Variants in EPN2 observed in about 807,000 individuals in gnomAD.
The protein encoded by EPN2 is epsin-2.
Under a neutral mutation model 61.7 loss-of-function variants are expected in EPN2, and 34 were observed. The observed-to-expected ratio is 0.55, with a 90% CI of 0.42 to 0.73. EPN2 has a LOEUF of 0.73. Among genes scored for constraint, EPN2 ranks in the 30% least tolerant of loss-of-function variants. The pLI, the probability that EPN2 is intolerant of heterozygous loss-of-function variation, is 0.00. For synonymous variants in EPN2, 349 were observed against 353.6 expected (o/e 0.99, Z 0.15); for missense variants, 714 against 839.2 (o/e 0.85, Z 1.84).
At chr17:19,326,356 C>G (rs146343695) in intron 7 of EPN2, among the ~76,000 whole-genome samples, 1 of 152,256 alleles carries the variant, frequency 6.6e-6, no homozygotes, top group Non-Finnish European at 1.5e-5. Context: ...TATCAGATAT[C>G]AAGAATTCTC....
At chr17:19,239,033 A>T (rs1480559050) in intron 1 of EPN2, among the ~76,000 whole-genome samples, 1 of 152,238 alleles carries the variant, frequency 6.6e-6, no homozygotes, top group East Asian at 1.9e-4. Flanking sequence ...TTAAGTTTTC[A>T]TCTGTATTTA....
chr17:19,244,818 A>ACTGCTGGG (rs2044927091), intron 1 of EPN2, among the ~76,000 whole-genome samples: 1 of 152,156 alleles, frequency 6.6e-6, no homozygotes, highest in Non-Finnish European at 1.5e-5. Flanking sequence ...CATTTTAAAA[A>ACTGCTGGG]ACTAAGAGGG....
intron 7 of EPN2, among the ~76,000 whole-genome samples, chr17:19,317,211 C>G (rs1906423419): frequency 1.3e-5 from 2 of 152,208 alleles, no homozygotes; most frequent in Admixed American, 1.3e-4. Context: ...GCACTAGGAG[C>G]AACTTGGCCA....
intron 3 of EPN2, among the ~76,000 whole-genome samples, chr17:19,284,959 G>C (rs1428976356): frequency 3.9e-5 from 6 of 152,222 alleles, no homozygotes; most frequent in Non-Finnish European, 7.3e-5. Context: ...TAAACCACTT[G>C]AAAACAATTT....
chr17:19,310,081 A>G (rs893783781), intron 5 of EPN2, 84 bp downstream of exon 5: 2 of 932,048 alleles, frequency 2.1e-6, no homozygotes, highest in East Asian at 2.5e-5. Flanking sequence ...GATGGCAGAC[A>G]CAGCCCTGTC....
chr17:19,281,449 TA>T (rs1481875971), intron 1 of EPN2, among the ~76,000 whole-genome samples: 2 of 152,248 alleles, frequency 1.3e-5, no homozygotes, highest in African/African-American at 4.8e-5. Flanking sequence ...TTGTGATGAG[TA>T]GTCATTGCAT....
At chr17:19,248,102 G>A (rs1287328814) in intron 1 of EPN2, among the ~76,000 whole-genome samples, 1 of 152,184 alleles carries the variant, frequency 6.6e-6, no homozygotes, top group African/African-American at 2.4e-5. Context: ...TCAGGGATTG[G>A]AAGGGGAAAA....
intron 7 of EPN2, among the ~76,000 whole-genome samples, chr17:19,324,699 T>C (rs1031079373): frequency 2.6e-5 from 4 of 152,184 alleles, no homozygotes; most frequent in African/African-American, 9.7e-5. Flanking sequence ...TTTATAGCTC[T>C]AAATGTTCAC....
At position 19,331,948 on chromosome 17, in the gene EPN2, A is replaced by C. The variant is rs1907177477; in HGVS notation, c.1507A>C (p.Ser503Arg). ...CCTGACTGTCGCCTCAAGCAAGCCC[A>C]GCAGTGCCCGGAAAACACCTGAGTC... ...QPLTVASSKP[S>R]SARKTPESFL... Residue 503 changes from serine (S) to arginine (R), a missense_variant, in exon 10 of 11, where the codon AGC (serine) becomes CGC (arginine). This residue lies in a region of EPN2 where 410 missense variants were observed against 421.8 expected (regional missense o/e 0.97). Coordinates refer to ENST00000314728, the MANE Select transcript of EPN2 (RefSeq NM_014964.5). 6.2e-7 allele frequency: 1 copy of C among 1,614,180 alleles called. No homozygotes were observed. The highest frequency in any genetic ancestry group is 1.3e-5 in the African/African-American group (1 of 75,042).
At chr17:19,272,004 A>G (rs28591622) in intron 1 of EPN2, among the ~76,000 whole-genome samples, 66,749 of 152,196 alleles carry the variant, frequency 0.44, 21,491 homozygotes, top group East Asian at 0.99. Context: ...TCTAAATTAA[A>G]CACGAGATCA....
rs917626737 is a variant in EPN2 at position 19,335,505 on chromosome 17, G to A, written c.*1251G>A. The A allele has an allele frequency of 1.3e-5, 20 of 1,537,742 alleles. No individual in the cohort carries two copies. The highest frequency in any genetic ancestry group is 5.5e-5 in the African/African-American group (4 of 72,596). ...TGTGATCTCCTCTGTCTTAATCCAC[G>A]CTCAGGCTAAAGATGGGGATAATGT... On this transcript the variant is annotated 3_prime_UTR_variant, in exon 11 of 11. Coordinates refer to ENST00000314728, the MANE Select transcript of EPN2 (RefSeq NM_014964.5).
chr17:19,252,237 T>C (rs922426151), intron 1 of EPN2, among the ~76,000 whole-genome samples: 1 of 152,156 alleles, frequency 6.6e-6, no homozygotes, highest in Non-Finnish European at 1.5e-5. Flanking sequence ...GTGTGCCTTC[T>C]GTGAAGGGGC....
At chr17:19,332,127 C>G in intron 10 of EPN2, 59 bp downstream of exon 10, 1 of 1,351,832 alleles carries the variant, frequency 7.4e-7, no homozygotes, top group African/African-American at 1.4e-5. Context: ...GGGTGTGCAG[C>G]AGGCCTCTTG....
chr17:19,268,501 T>C (rs2045222771), intron 1 of EPN2, among the ~76,000 whole-genome samples: 1 of 152,126 alleles, frequency 6.6e-6, no homozygotes, highest in Non-Finnish European at 1.5e-5. Context: ...AGTGTTGGGA[T>C]TATAGGCGTG....
Position 19,334,766 on chromosome 17 carries a change from T to C in EPN2, c.*512T>C, listed in dbSNP as rs1011950576. ...GAGTTCAAAGTAAACACCACCACCG[T>C]GGACAACTCTTGAATTAAATCCACT... On this transcript the variant is annotated 3_prime_UTR_variant, in exon 11 of 11. Transcript: ENST00000314728. This position sits in a 1 kb window ranked among gnomAD's most constrained non-coding sequence, Gnocchi z 4.9. 2.0e-5 allele frequency: 3 copies of C among 153,256 alleles called. No individual in the cohort carries two copies. Among genetic ancestry groups the C allele is most frequent in the Admixed American group, 1.3e-4 (2 of 15,304 alleles). The allele number at this position is 153,256 out of a possible 1,614,324, so 9.5% of individuals were successfully genotyped here.
rs969704727 is a variant in EPN2, at chr17:19,334,210, T to A, written c.1882T>A (p.Ser628Thr). Reference protein sequence around the residue: ...NMVGSVGIPPSAAQATGTTNP... With the variant: ...NMVGSVGIPPTAAQATGTTNP... ...GGTGGGCAGTGTGGGTATACCCCCA[T>A]CAGCAGCCCAGGCCACTGGCACAAC... The change falls in exon 11 of 11, where the codon TCA (serine) becomes ACA (threonine). Residue 628 changes from serine to threonine, a missense_variant. This residue lies in a region of EPN2 where 410 missense variants were observed against 421.8 expected (regional missense o/e 0.97). Transcript: ENST00000314728. This position sits in a 1 kb window ranked among gnomAD's most constrained non-coding sequence, Gnocchi z 4.9. 3 of 1,527,738 alleles carry A rather than the reference T, an allele frequency of 2.0e-6. No individual in the cohort carries two copies. The highest frequency in any genetic ancestry group is 2.7e-6 in the Non-Finnish European group (3 of 1,128,098). The allele number at this position is 1,527,738 out of a possible 1,614,324, so 94.6% of individuals were successfully genotyped here.
At chr17:19,316,796 C>T (rs1906405852) in intron 7 of EPN2, among the ~76,000 whole-genome samples, 1 of 152,280 alleles carries the variant, frequency 6.6e-6, no homozygotes, top group African/African-American at 2.4e-5. Flanking sequence ...GGTGTTTTTG[C>T]AGTTCTGGCA....
At position 19,248,787 on chromosome 17, in the gene EPN2, C is replaced by G. The variant is rs116560030; in HGVS notation, c.-294+11256C>G. On this transcript the variant is annotated intron_variant, in intron 1 of 10. Coordinates refer to ENST00000314728, the MANE Select transcript of EPN2 (RefSeq NM_014964.5). Reference sequence around the variant, plus strand: ...TTTGGTCTGCAGATGGTGGCTCTTGCCTCAGTAACAAGTAATATTAGCTTT... The same window carrying G: ...TTTGGTCTGCAGATGGTGGCTCTTGGCTCAGTAACAAGTAATATTAGCTTT... 5.3e-3 allele frequency among the ~76,000 whole-genome samples: 810 copies of G among 152,252 alleles called. 4 individuals are homozygous for G. Among genetic ancestry groups the G allele is most frequent in the African/African-American group, 0.019 (782 of 41,524 alleles).
At chr17:19,253,518 G>A (rs992322924) in intron 1 of EPN2, among the ~76,000 whole-genome samples, 2 of 150,112 alleles carry the variant, frequency 1.3e-5, no homozygotes, top group Non-Finnish European at 3.0e-5. Context: ...GGGCTCAAGG[G>A]ATCTTCCCAC....
Sources: allele counts gnomAD v4.1 joint callset (sites outside exome capture counted in the v4.1 genomes callset), GRCh38; gene constraint gnomAD v4.1.1; regional missense constraint gnomAD v4.1.1; non-coding constraint Gnocchi (gnomAD v3.1); transcripts MANE v1.5; gene names NCBI Gene and HGNC (gene_info 2026-07-23, HGNC 2026-07-21).